BRME1: variants seen among roughly 807,000 people sequenced by gnomAD.
BRME1 encodes break repair meiotic recombinase recruitment factor 1.
BRME1 carries 31 observed loss-of-function variants against 52.6 expected under a neutral mutation model. That is an observed-to-expected ratio of 0.59 (90% CI 0.44 to 0.80). BRME1 has a LOEUF of 0.80. Among genes scored for constraint, BRME1 ranks in the 30% least tolerant of loss-of-function variants. BRME1 has a pLI of 0.00. For missense variants in BRME1, 804 were observed against 860.3 expected, an observed-to-expected ratio of 0.93 and a Z score of 0.82; for synonymous variants, 359 against 353.6, an observed-to-expected ratio of 1.02 and a Z score of -0.17.
At position 13,883,770 on chromosome 19, in the gene BRME1, C is replaced by T. The variant is rs1968802620; in HGVS notation, c.1764-370G>A. Among the ~76,000 whole-genome samples the T allele has an allele frequency of 6.6e-6, 1 of 151,932 alleles. No individual in the cohort carries two copies. Among genetic ancestry groups the T allele is most frequent in the African/African-American group, 2.4e-5 (1 of 41,360 alleles). ...GCCTGCCCCGTGCCCTCCCCTCATC[C>T]CCCGCTTCTCCCCTCCCCTCGGCTC... On this transcript the variant is annotated intron_variant, in intron 7 of 8. Transcript: ENST00000586783. This position sits in a 1 kb window ranked among gnomAD's most constrained non-coding sequence, Gnocchi z 4.2.
At chr19:13,891,029 C>A (rs1648677143) in intron 5 of BRME1, among the ~76,000 whole-genome samples, 1 of 152,046 alleles carries the variant, frequency 6.6e-6, no homozygotes, top group African/African-American at 2.4e-5. Flanking sequence ...AGCACAGAAA[C>A]CTCTCCTTCC....
Position 13,890,275 on chromosome 19 carries a change from GGGTCATCAGGCTGAGAATCCCCACTGCC to G in BRME1, c.553_580del (p.Gly185LeufsTer149). 1 of 1,613,284 alleles carries G rather than the reference GGGTCATCAGGCTGAGAATCCCCACTGCC, an allele frequency of 6.2e-7. No individual in the cohort carries two copies. The highest frequency in any genetic ancestry group is 8.5e-7 in the Non-Finnish European group (1 of 1,179,494). Reference sequence around the variant, plus strand: ...GGACAACCCCGTCCCCCTGTCTGGAGGGTCATCAGGCTGAGAATCCCCACTGCCGGGCACCGCCTGCACAGGGCTCTGG... The same window carrying G: ...GGACAACCCCGTCCCCCTGTCTGGAGGGGCACCGCCTGCACAGGGCTCTGG... On this transcript the variant is annotated frameshift_variant, in exon 6 of 9. Transcript: ENST00000586783. LOFTEE classifies it high-confidence loss of function.
At chr19:13,898,116 AATT>A (rs1448986564) in intron 2 of BRME1, among the ~76,000 whole-genome samples, 2 of 151,814 alleles carry the variant, frequency 1.3e-5, no homozygotes, top group African/African-American at 4.8e-5. Flanking sequence ...TAAATAATTA[AATT>A]AAATTAAAAG....
intron 6 of BRME1, among the ~76,000 whole-genome samples, chr19:13,887,770 C>CTT (rs35586400): frequency 0.011 from 1,525 of 143,010 alleles, 26 homozygotes; most frequent in African/African-American, 0.028. Flanking sequence ...CTGTGACTCA[C>CTT]TTTTTTTTTT....
At chr19:13,903,786 A>G (rs1970458477) in intron 2 of BRME1, among the ~76,000 whole-genome samples, 1 of 152,048 alleles carries the variant, frequency 6.6e-6, no homozygotes. Flanking sequence ...AGTGGCTTTT[A>G]TTATCCCCAA....
intron 2 of BRME1, among the ~76,000 whole-genome samples, chr19:13,901,664 A>G (rs929761470): frequency 6.7e-6 from 1 of 149,340 alleles, no homozygotes; most frequent in African/African-American, 2.5e-5. Flanking sequence ...GTGCCACTGC[A>G]CTCCAGCCTG....
intron 2 of BRME1, among the ~76,000 whole-genome samples, chr19:13,902,925 C>CA (rs924463865): frequency 0.032 from 2,817 of 87,896 alleles, 81 homozygotes; most frequent in African/African-American, 0.092. Flanking sequence ...AACTCCGTCT[C>CA]AAAAAAAAAA....
In BRME1 at chr19:13,890,125, C is replaced by A; in HGVS notation, c.731G>T (p.Gly244Val). Residue 244 changes from glycine to valine, a missense_variant, in exon 6 of 9, where the codon GGG becomes GTG. Gly to Val is a moderately radical substitution (Grantham distance 109). Coordinates refer to ENST00000586783, the MANE Select transcript of BRME1 (RefSeq NM_001345843.2). ...KEHLPSIDSE[G>V]EKPDRGAPQE... ...GGGGGCTCCTCTGTCTGGCTTCTCCCCTTCAGAATCAATGCTTGGTAGGTG... is the reference window on the plus strand; with the variant it reads ...GGGGGCTCCTCTGTCTGGCTTCTCCACTTCAGAATCAATGCTTGGTAGGTG... 1 of 1,614,184 alleles carries A rather than the reference C, an allele frequency of 6.2e-7. No homozygotes were observed.
intron 2 of BRME1, among the ~76,000 whole-genome samples, chr19:13,896,649 C>CGT (rs1360734814): frequency 6.8e-6 from 1 of 146,534 alleles, no homozygotes; most frequent in Non-Finnish European, 1.5e-5. Context: ...TTTATACATA[C>CGT]GTATTTACAT....
chr19:13,896,368 A>G (rs944688735), intron 2 of BRME1, among the ~76,000 whole-genome samples: 2 of 147,658 alleles, frequency 1.4e-5, no homozygotes, highest in Admixed American at 6.8e-5. Context: ...TAATGTATTT[A>G]CATATTGCAT....
Position 13,889,658 on chromosome 19 carries a change from C to T in BRME1, c.1198G>A (p.Glu400Lys). 1 of 1,609,824 alleles carries T rather than the reference C, an allele frequency of 6.2e-7. No individual in the cohort carries two copies. ...LTGETTGESG[E>K]AGQDGKPPGD... ...GGGGGCTTGCCATCCTGCCCTGCCTCCCCACTTTCTCCTGTGGTTTCCCCA... is the reference window on the plus strand; with the variant it reads ...GGGGGCTTGCCATCCTGCCCTGCCTTCCCACTTTCTCCTGTGGTTTCCCCA... Residue 400 changes from glutamate to lysine, a missense_variant, in exon 6 of 9, where the codon GAG (glutamate) becomes AAG (lysine). Glu to Lys is a moderately conservative substitution (Grantham distance 56). Transcript: ENST00000586783.
At chr19:13,887,117 CCT>C (rs1969088217) in intron 6 of BRME1, among the ~76,000 whole-genome samples, 1 of 152,230 alleles carries the variant, frequency 6.6e-6, no homozygotes, top group Non-Finnish European at 1.5e-5. Flanking sequence ...TGCTGTGTCA[CCT>C]CTGAGTCCCC....
chr19:13,896,595 T>G (rs920483719), intron 2 of BRME1, among the ~76,000 whole-genome samples: 1 of 146,574 alleles, frequency 6.8e-6, no homozygotes, highest in Non-Finnish European at 1.5e-5. Flanking sequence ...GCCAAATATG[T>G]AAATATATAT....
At position 13,895,367 on chromosome 19, in the gene BRME1, C is replaced by T. The variant is rs1279188901; in HGVS notation, c.206+5G>A. ...AGACCTGCCGGAATGTTCAGAGCCA[C>T]CTACCTGGAGACGGCCTTTCCTGGT... On this transcript the variant is annotated splice_donor_5th_base_variant and intron_variant, in intron 3 of 8. Coordinates refer to ENST00000586783, the MANE Select transcript of BRME1 (RefSeq NM_001345843.2). 1.2e-6 allele frequency: 2 copies of T among 1,611,550 alleles called. No individual in the cohort carries two copies. The highest frequency in any genetic ancestry group is 1.7e-5 in the Admixed American group (1 of 59,778).
In BRME1 at chr19:13,889,531, G is replaced by A. The variant is rs78688381; in HGVS notation, c.1325C>T (p.Thr442Ile). The change falls in exon 6 of 9, where the codon ACA becomes ATA. Residue 442 changes from threonine (T) to isoleucine (I), a missense_variant. Physicochemically the swap from Thr to Ile is moderately conservative, Grantham distance 89. Transcript: ENST00000586783. ...AGDSGHASPD[T>I]GPCVNQKQEP... ...CTGCTTCTGATTGACACATGGACCT[G>A]TGTCCGGGGATGCATGACCGGAATC... 3 of 1,613,748 alleles carry A rather than the reference G, an allele frequency of 1.9e-6. No individual in the cohort carries two copies. The highest frequency in any genetic ancestry group is 2.5e-6 in the Non-Finnish European group (3 of 1,180,038).
chr19:13,901,174 A>G (rs1970269919), intron 2 of BRME1, among the ~76,000 whole-genome samples: 1 of 150,796 alleles, frequency 6.6e-6, no homozygotes, highest in Non-Finnish European at 1.5e-5. Flanking sequence ...ACTGGGTAAC[A>G]TTATGTTGCT....
Position 13,893,235 on chromosome 19 carries a change from A to G in BRME1, c.207-12T>C. On this transcript the variant is annotated splice_polypyrimidine_tract_variant and intron_variant, in intron 3 of 8. Coordinates refer to ENST00000586783, the MANE Select transcript of BRME1 (RefSeq NM_001345843.2). ...CCTCATCAGGGGAGCTATGTAGGAA[A>G]AGATAAAACTGAAGGAGATCTGCCC... 6.4e-7 allele frequency: 1 copy of G among 1,570,282 alleles called. No homozygotes were observed. Among genetic ancestry groups the G allele is most frequent in the Non-Finnish European group, 8.6e-7 (1 of 1,158,020 alleles).
chr19:13,900,042 T>C (rs1037014858), intron 2 of BRME1, among the ~76,000 whole-genome samples: 4 of 152,106 alleles, frequency 2.6e-5, no homozygotes, highest in African/African-American at 7.2e-5. Flanking sequence ...AAAGACAAAA[T>C]ATAGCTGCTT....
At position 13,891,135 on chromosome 19, in the gene BRME1, T is replaced by TTTTTTATTATTATTATTATTA. The variant is rs59151567; in HGVS notation, c.394-674_394-673insTAATAATAATAATAATAAAAA. On this transcript the variant is annotated intron_variant, in intron 5 of 8. Transcript: ENST00000586783. ...AGACCACACCAATGTCAATTTCCTG[T>TTTTTTATTATTATTATTATTA]TTATTATTATTATTATTATTATTAT... Among the ~76,000 whole-genome samples, 729 of 146,664 alleles carry TTTTTTATTATTATTATTATTA rather than the reference T, an allele frequency of 5.0e-3. 1 individual carries two copies. Among genetic ancestry groups the TTTTTTATTATTATTATTATTA allele is most frequent in the African/African-American group, 7.9e-3 (305 of 38,826 alleles).
Sources: allele counts gnomAD v4.1 joint callset (sites outside exome capture counted in the v4.1 genomes callset), GRCh38; gene constraint gnomAD v4.1.1; non-coding constraint Gnocchi (gnomAD v3.1); transcripts MANE v1.5; gene names NCBI Gene and HGNC (gene_info 2026-07-23, HGNC 2026-07-21).